ADCY9: variants seen among roughly 807,000 people sequenced by gnomAD.
The protein encoded by ADCY9 is adenylate cyclase 9.
A neutral mutation model predicts 101.5 loss-of-function variants in ADCY9; 50 were observed. The observed-to-expected ratio is 0.49, with a 90% CI of 0.39 to 0.62. The LOEUF is 0.62. ADCY9 is among the 20% of genes least tolerant of loss of function. The pLI, the probability that ADCY9 is intolerant of heterozygous loss-of-function variation, is 0.00. For synonymous variants in ADCY9, 905 were observed against 769.3 expected (o/e 1.18, Z -2.92); for missense variants, 1,662 against 1,800.4 (o/e 0.92, Z 1.39).
chr16:4,014,797 C>T (rs78830256), intron 2 of ADCY9, among the ~76,000 whole-genome samples: 23,093 of 151,910 alleles, frequency 0.15, 1,843 homozygotes, highest in African/African-American at 0.18. Context: ...CTCTCTCCCT[C>T]CCGCTTCCCC....
chr16:4,087,544 A>T (rs1215832626), intron 2 of ADCY9, among the ~76,000 whole-genome samples: 1 of 19,708 alleles, frequency 5.1e-5, no homozygotes, highest in African/African-American at 1.4e-4. Flanking sequence ...TCAAAAAGAT[A>T]AAAAAAAAAA....
At chr16:4,002,952 G>C (rs144997327) in intron 3 of ADCY9, among the ~76,000 whole-genome samples, 6 of 152,330 alleles carry the variant, frequency 3.9e-5, no homozygotes, top group African/African-American at 1.4e-4. Context: ...CTGACCGCAG[G>C]TGATCTCTCT....
chr16:4,061,358 A>C (rs1253761215), intron 2 of ADCY9, among the ~76,000 whole-genome samples: 3 of 152,158 alleles, frequency 2.0e-5, no homozygotes, highest in Non-Finnish European at 4.4e-5. Flanking sequence ...ACATCCAACA[A>C]ACTCAAAGTA....
At chr16:4,065,126 G>T (rs1416366395) in intron 2 of ADCY9, among the ~76,000 whole-genome samples, 1 of 152,188 alleles carries the variant, frequency 6.6e-6, no homozygotes, top group African/African-American at 2.4e-5. Context: ...TGCCAGACCA[G>T]AAGCTACTAT....
chr16:4,106,468 C>A (rs2057078042), intron 2 of ADCY9, among the ~76,000 whole-genome samples: 1 of 152,192 alleles, frequency 6.6e-6, no homozygotes, highest in African/African-American at 2.4e-5. Flanking sequence ...AAACTCTCAT[C>A]TCTTCACAAA....
intron 2 of ADCY9, among the ~76,000 whole-genome samples, chr16:4,077,747 C>G (rs928849718): frequency 1.3e-5 from 2 of 152,144 alleles, no homozygotes; most frequent in Non-Finnish European, 2.9e-5. Context: ...CACCTGTAAT[C>G]CCAACACTTT....
At chr16:4,045,594 T>TTAA (rs1326221333) in intron 2 of ADCY9, among the ~76,000 whole-genome samples, 1 of 64,964 alleles carries the variant, frequency 1.5e-5, no homozygotes, top group Non-Finnish European at 2.8e-5. Flanking sequence ...GACTCTGCCT[T>TTAA]AAAAAAAAAA....
At chr16:3,985,730 T>C (rs2056186571) in intron 6 of ADCY9, among the ~76,000 whole-genome samples, 1 of 151,870 alleles carries the variant, frequency 6.6e-6, no homozygotes, top group Non-Finnish European at 1.5e-5. Flanking sequence ...AACTGCCCCA[T>C]CCATGGACGC....
chr16:3,970,967 G>T (rs1286942235), intron 10 of ADCY9, among the ~76,000 whole-genome samples: 1 of 152,204 alleles, frequency 6.6e-6, no homozygotes, highest in Non-Finnish European at 1.5e-5. Flanking sequence ...TGCCTGCAAA[G>T]GTGGTGGCTG....
intron 3 of ADCY9, among the ~76,000 whole-genome samples, chr16:3,995,467 C>A: frequency 6.6e-6 from 1 of 152,012 alleles, no homozygotes; most frequent in Non-Finnish European, 1.5e-5. Context: ...ATATATATAG[C>A]CTAGCACAGT....
rs1466866611 is a variant in ADCY9 at position 4,115,501 on chromosome 16, GGA to G, written c.-43-18_-43-17del. 2 of 1,468,022 alleles carry G rather than the reference GGA, an allele frequency of 1.4e-6. No homozygotes were observed. Among genetic ancestry groups the G allele is most frequent in the Non-Finnish European group, 1.8e-6 (2 of 1,111,296 alleles). The allele number at this position is 1,468,022 out of a possible 1,614,324, so 90.9% of individuals were successfully genotyped here. A position where few individuals can be genotyped will look rare whatever the true frequency, so the allele number is the denominator to read the frequency against. On this transcript the variant is annotated splice_polypyrimidine_tract_variant and intron_variant, in intron 1 of 10. Coordinates refer to ENST00000294016, the MANE Select transcript of ADCY9 (RefSeq NM_001116.4). The surrounding 1 kb of genome is among the most constrained non-coding windows in gnomAD (Gnocchi z 6.2). ...TCACCAGTACCTGCCAGCAAAACGGGGAGAGTTAGCGGCGCTCCCACCTAGGC... is the reference window on the plus strand; with the variant it reads ...TCACCAGTACCTGCCAGCAAAACGGGGAGTTAGCGGCGCTCCCACCTAGGC...
chr16:4,075,061 C>T (rs2056858542), intron 2 of ADCY9, among the ~76,000 whole-genome samples: 1 of 152,096 alleles, frequency 6.6e-6, no homozygotes, highest in African/African-American at 2.4e-5. Context: ...CCTGTAGTCC[C>T]AGCTACTCAG....
chr16:3,988,007 G>C (rs903831894), intron 6 of ADCY9, among the ~76,000 whole-genome samples: 2 of 147,392 alleles, frequency 1.4e-5, no homozygotes, highest in African/African-American at 5.3e-5. Flanking sequence ...CTGGAGGAGA[G>C]AGATGGGTGT....
chr16:4,090,843 T>G (rs912015367), intron 2 of ADCY9, among the ~76,000 whole-genome samples: 1 of 151,948 alleles, frequency 6.6e-6, no homozygotes, highest in Non-Finnish European at 1.5e-5. Flanking sequence ...AACTTATGCA[T>G]TCATATAAAA....
At chr16:4,086,240 C>T (rs2056937711) in intron 2 of ADCY9, among the ~76,000 whole-genome samples, 1 of 152,030 alleles carries the variant, frequency 6.6e-6, no homozygotes, top group Admixed American at 6.6e-5. Flanking sequence ...GAGGGCAACA[C>T]AGGAGGAGAA....
chr16:4,093,501 A>C (rs111805440), intron 2 of ADCY9, among the ~76,000 whole-genome samples: 8 of 152,346 alleles, frequency 5.3e-5, no homozygotes, highest in Admixed American at 2.0e-4. Context: ...TGAAATGGCT[A>C]AATCTCAATC....
chr16:4,090,188 G>A (rs948803936), intron 2 of ADCY9, among the ~76,000 whole-genome samples: 32 of 152,174 alleles, frequency 2.1e-4, no homozygotes, highest in Admixed American at 6.5e-4. Context: ...GGCCCCCCAC[G>A]CCCTATGGAT....
At chr16:4,068,686 G>A (rs1267590137) in intron 2 of ADCY9, among the ~76,000 whole-genome samples, 1 of 151,888 alleles carries the variant, frequency 6.6e-6, no homozygotes, top group Non-Finnish European at 1.5e-5. Context: ...GCATGGTGGC[G>A]GGCGCCTGTA....
chr16:4,002,424 G>A (rs2056337302), intron 3 of ADCY9, among the ~76,000 whole-genome samples: 1 of 152,188 alleles, frequency 6.6e-6, no homozygotes, highest in Non-Finnish European at 1.5e-5. Flanking sequence ...GATGGTTCCT[G>A]AGGTGAGTGG....
Sources: allele counts gnomAD v4.1 joint callset (sites outside exome capture counted in the v4.1 genomes callset), GRCh38; gene constraint gnomAD v4.1.1; non-coding constraint Gnocchi (gnomAD v3.1); transcripts MANE v1.5; gene names NCBI Gene and HGNC (gene_info 2026-07-23, HGNC 2026-07-21).